The following EYA3 variants were observed in gnomAD, a reference collection of about 807,000 sequenced individuals.
EYA3 encodes EYA transcriptional coactivator and phosphatase 3, also known as protein phosphatase EYA3.
A neutral mutation model predicts 80.0 loss-of-function variants in EYA3; 39 were observed. That is an observed-to-expected ratio of 0.49 (90% CI 0.38 to 0.64). EYA3 has a LOEUF of 0.64. Ranked by LOEUF, EYA3 falls within the 30% of genes least tolerant of loss-of-function variation. The pLI, the probability that EYA3 is intolerant of heterozygous loss-of-function variation, is 0.00. For missense variants in EYA3, 523 were observed against 676.1 expected, an observed-to-expected ratio of 0.77 and a Z score of 2.51; for synonymous variants, 206 against 232.8, an observed-to-expected ratio of 0.88 and a Z score of 1.05.
chr1:28,016,079 C>T (rs1048828736), intron 8 of EYA3, among the ~76,000 whole-genome samples: 8 of 151,988 alleles, frequency 5.3e-5, no homozygotes, highest in African/African-American at 1.7e-4. Context: ...GTTAAACATC[C>T]CTGTGGATGA....
chr1:28,013,848 A>G lies in EYA3; in HGVS notation c.586-554T>C, dbSNP rs900777645. 1.5e-4 allele frequency among the ~76,000 whole-genome samples: 23 copies of G among 152,218 alleles called. 1 individual carries two copies. The highest frequency in any genetic ancestry group is 9.8e-4 in the Admixed American group (15 of 15,280). On this transcript the variant is annotated intron_variant, in intron 8 of 17. Transcript: ENST00000373871. The surrounding 1 kb of genome is among the most constrained non-coding windows in gnomAD (Gnocchi z 4.0). The stretch of plus-strand genomic sequence containing the variant: ...AAGGCCAAGATGGGTGGATCACTTG[A>G]GGTCAGGAGTTCAAGACCAGCCTGA...
chr1:28,076,153 A>G (rs996224451), intron 1 of EYA3, among the ~76,000 whole-genome samples: 2 of 152,218 alleles, frequency 1.3e-5, no homozygotes, highest in African/African-American at 4.8e-5. Flanking sequence ...GTAGACAGAT[A>G]AAAACCATCA....
chr1:28,031,256 T>G (rs1643122434), intron 6 of EYA3, among the ~76,000 whole-genome samples: 1 of 152,196 alleles, frequency 6.6e-6, no homozygotes, highest in South Asian at 2.1e-4. Context: ...TCTTCAGACA[T>G]GCAAATCATC....
intron 15 of EYA3, among the ~76,000 whole-genome samples, chr1:27,989,258 C>CT (rs1261891993): frequency 1.3e-5 from 2 of 152,128 alleles, no homozygotes; most frequent in African/African-American, 4.8e-5. Flanking sequence ...ATTTCCCAGT[C>CT]TAAGCTTCAC....
chr1:28,058,055 T>C lies in EYA3; in HGVS notation c.-29A>G, dbSNP rs1297657678. ...GACCAATATTTCTTTATTATACTTA[T>C]GTGACTGGATTGCAAGTCTCTCTCA... On this transcript the variant is annotated 5_prime_UTR_variant, in exon 2 of 18. Coordinates refer to ENST00000373871, the MANE Select transcript of EYA3 (RefSeq NM_001990.4). 19 of 1,552,948 alleles carry C rather than the reference T, an allele frequency of 1.2e-5. No homozygotes were observed. Among genetic ancestry groups the C allele is most frequent in the Non-Finnish European group, 1.7e-5 (19 of 1,145,444 alleles).
intron 1 of EYA3, among the ~76,000 whole-genome samples, chr1:28,062,657 G>GGGGTGTGTGTGT (rs111612303): frequency 6.4e-5 from 9 of 141,626 alleles, no homozygotes; most frequent in Admixed American, 1.4e-4. Context: ...AATATATGTA[G>GGGGTGTGTGTGT]GTGTGTGTGT....
intron 16 of EYA3, among the ~76,000 whole-genome samples, chr1:27,985,622 C>A (rs1322237706): frequency 1.3e-5 from 2 of 152,144 alleles, no homozygotes; most frequent in Non-Finnish European, 2.9e-5. Flanking sequence ...CGCTCTGTCA[C>A]CCAGGCTGGA....
At chr1:28,034,600 C>T (rs899686489) in intron 6 of EYA3, among the ~76,000 whole-genome samples, 1 of 152,052 alleles carries the variant, frequency 6.6e-6, no homozygotes, top group African/African-American at 2.4e-5. Flanking sequence ...CTAGCAGTTA[C>T]CAGGAGCCAA....
At chr1:28,040,549 C>G (rs984431467) in intron 4 of EYA3, among the ~76,000 whole-genome samples, 18 of 151,902 alleles carry the variant, frequency 1.2e-4, no homozygotes, top group Non-Finnish European at 5.9e-5. Flanking sequence ...AACATGGTAG[C>G]CTAGAATTAA....
intron 2 of EYA3, among the ~76,000 whole-genome samples, chr1:28,054,572 A>G: frequency 1.3e-5 from 2 of 152,202 alleles, no homozygotes; most frequent in East Asian, 3.8e-4. Context: ...CATCTCTGAA[A>G]AATCACAGAG....
intron 1 of EYA3, among the ~76,000 whole-genome samples, chr1:28,070,619 A>G (rs76596687): frequency 2.2e-5 from 2 of 90,750 alleles, no homozygotes; most frequent in Admixed American, 1.1e-4. Flanking sequence ...CATACAGCTG[A>G]AAAAAAAATG....
rs1457252501 is a variant in EYA3, at chr1:27,972,177, C to G, written c.*2289G>C. 7 of 152,354 alleles carry G rather than the reference C, an allele frequency of 4.6e-5. No individual in the cohort carries two copies. In the East Asian group the frequency reaches 1.3e-3, roughly 29 times the overall value. The allele number at this position is 152,354 out of a possible 1,614,324, so 9.4% of individuals were successfully genotyped here. On this transcript the variant is annotated 3_prime_UTR_variant, in exon 18 of 18. Coordinates refer to ENST00000373871, the MANE Select transcript of EYA3 (RefSeq NM_001990.4). ...TGAAGCGCAGCACAACAGCCGTGGC[C>G]TTTGTCCAGGACAAAAACCCAACAG...
At chr1:28,074,386 T>C (rs1321360249) in intron 1 of EYA3, among the ~76,000 whole-genome samples, 1 of 152,138 alleles carries the variant, frequency 6.6e-6, no homozygotes, top group African/African-American at 2.4e-5. Context: ...TGTGAGAAAA[T>C]ACATGTTATT....
chr1:28,001,475 G>T (rs1167698388), intron 11 of EYA3, among the ~76,000 whole-genome samples: 1 of 143,524 alleles, frequency 7.0e-6, no homozygotes, highest in Non-Finnish European at 1.5e-5. Flanking sequence ...TTTGCCAGGC[G>T]CAGTGGCTCA....
Position 28,011,004 on chromosome 1 carries a change from G to A in EYA3, c.852C>T (p.Ser284=), listed in dbSNP as rs1222674238. 3.1e-6 allele frequency: 5 copies of A among 1,613,940 alleles called. No homozygotes were observed. Among genetic ancestry groups the A allele is most frequent in the Non-Finnish European group, 4.2e-6 (5 of 1,180,006 alleles). Reference sequence around the variant, plus strand: ...CAGCTTTCCTCTTGCCCCGGTTCTTGCTAGTCATGTTTTTCCTGGACTGAT... The same window carrying A: ...CAGCTTTCCTCTTGCCCCGGTTCTTACTAGTCATGTTTTTCCTGGACTGAT... The part of the protein sequence containing the change: ...TDDQSRKNMT[S]KNRGKRKADA... The change falls in exon 10 of 18, where the codon AGC becomes AGT. Residue 284 remains serine (S), a synonymous_variant. Coordinates refer to ENST00000373871, the MANE Select transcript of EYA3 (RefSeq NM_001990.4).
chr1:27,993,443 C>T lies in EYA3; in HGVS notation c.1260G>A (p.Arg420=), dbSNP rs748871389. Reference sequence around the variant, plus strand: ...GCTTATCATAGATTTCTCTCACTTTCCGGTAGCGGAAAGCTAGTTTCCTCA... The same window carrying T: ...GCTTATCATAGATTTCTCTCACTTTTCGGTAGCGGAAAGCTAGTTTCCTCA... ...DWMRKLAFRY[R]KVREIYDKHK... Residue 420 remains arginine (R), a synonymous_variant, in exon 14 of 18, where the codon CGG becomes CGA. Transcript: ENST00000373871. 3 of 1,613,562 alleles carry T rather than the reference C, an allele frequency of 1.9e-6. No homozygotes were observed. The South Asian group carries it at 3.3e-5, about 18-fold the overall frequency.
chr1:27,975,587 G>A (rs999197900), intron 17 of EYA3, among the ~76,000 whole-genome samples: 4 of 150,146 alleles, frequency 2.7e-5, no homozygotes, highest in East Asian at 4.0e-4. Context: ...CCGGGTTCAC[G>A]CCATTCTCCT....
chr1:28,070,157 T>C (rs770335756), intron 1 of EYA3, among the ~76,000 whole-genome samples: 3 of 152,258 alleles, frequency 2.0e-5, no homozygotes, highest in Non-Finnish European at 2.9e-5. Flanking sequence ...GCAAAGTTTA[T>C]GTTTTTTGTT....
In EYA3 at chr1:27,988,546, G is replaced by A. The variant is rs986350419; in HGVS notation, c.1529C>T (p.Ala510Val). Residue 510 changes from alanine (A) to valine (V), a missense_variant, in exon 16 of 18, where the codon GCT (alanine) becomes GTT (valine). Physicochemically the swap from Ala to Val is moderately conservative, Grantham distance 64. Around this residue, in one of 2 missense-constraint regions of EYA3, gnomAD observed 219 missense variants for 332.8 expected, o/e 0.66. Coordinates refer to ENST00000373871, the MANE Select transcript of EYA3 (RefSeq NM_001990.4). ...EIFPIENIYS[A>V]TKIGKESCFE... ...CATAGAAACCATACCAATTTTGGTA[G>A]CACTATAGATGTTCTCAATAGGAAA... The A allele has an allele frequency of 2.5e-6, 4 of 1,612,890 alleles. No individual in the cohort carries two copies. The highest frequency in any genetic ancestry group is 3.4e-6 in the Non-Finnish European group (4 of 1,179,686).
Sources: allele counts gnomAD v4.1 joint callset (sites outside exome capture counted in the v4.1 genomes callset), GRCh38; gene constraint gnomAD v4.1.1; regional missense constraint gnomAD v4.1.1; non-coding constraint Gnocchi (gnomAD v3.1); transcripts MANE v1.5; gene names NCBI Gene and HGNC (gene_info 2026-07-23, HGNC 2026-07-21).